ZFHX3: variants seen among roughly 807,000 people sequenced by gnomAD.
The protein encoded by ZFHX3 is zinc finger homeobox 3.
A neutral mutation model predicts 279.1 loss-of-function variants in ZFHX3; 42 were observed. That is an observed-to-expected ratio of 0.15 (90% CI 0.12 to 0.19). The LOEUF (loss-of-function observed/expected upper bound fraction) is 0.19. Among genes scored for constraint, ZFHX3 ranks in the 10% least tolerant of loss-of-function variants. The pLI is 1.00. For missense variants in ZFHX3, 4,981 were observed against 4,754.0 expected, an observed-to-expected ratio of 1.05 and a Z score of -1.40; for synonymous variants, 2,293 against 1,957.8, an observed-to-expected ratio of 1.17 and a Z score of -4.52.
In ZFHX3 at chr16:72,793,858, C is replaced by T; in HGVS notation, c.8824G>A (p.Asp2942Asn). 2 of 1,614,178 alleles carry T rather than the reference C, an allele frequency of 1.2e-6. No individual in the cohort carries two copies. Among genetic ancestry groups the T allele is most frequent in the Non-Finnish European group, 1.7e-6 (2 of 1,180,046 alleles). The change falls in exon 9 of 10, where the codon GAT becomes AAT. Residue 2942 changes from aspartate (D) to asparagine (N), a missense_variant. Around this residue, in one of 7 missense-constraint regions of ZFHX3, gnomAD observed 168 missense variants for 249.1 expected, o/e 0.67. Transcript: ENST00000268489. This position sits in a 1 kb window ranked among gnomAD's most constrained non-coding sequence, Gnocchi z 4.3. ...CGAAAACGTTTCTGCCCAGGCCGATCTCCGCTGTCACCAGATTTGCCTGCA... is the reference window on the plus strand; with the variant it reads ...CGAAAACGTTTCTGCCCAGGCCGATTTCCGCTGTCACCAGATTTGCCTGCA... ...GSAGKSGDSG[D>N]RPGQKRFRTQ...
chr16:73,018,096 C>T (rs1717093972), intron 1 of ZFHX3, among the ~76,000 whole-genome samples: 1 of 151,964 alleles, frequency 6.6e-6, no homozygotes, highest in Non-Finnish European at 1.5e-5. Flanking sequence ...AGCAATCCTC[C>T]CGCCTTAGCC....
At position 72,990,216 on chromosome 16, in the gene ZFHX3, C is replaced by G. The variant is rs560974145; in HGVS notation, c.-49-30022G>C. On this transcript the variant is annotated intron_variant, in intron 1 of 9. Transcript: ENST00000268489. ...CCGATGGAGGGGAAACCAGTAAACC[C>G]GTCCCTTGGCACTGTCACTTGGCAA... is the stretch of plus-strand genomic sequence containing the variant. 5.9e-5 allele frequency among the ~76,000 whole-genome samples: 9 copies of G among 152,292 alleles called. No individual in the cohort carries two copies. The East Asian group carries it at 1.7e-3, about 29-fold the overall frequency.
At chr16:72,988,995 G>A (rs1486826899) in intron 1 of ZFHX3, among the ~76,000 whole-genome samples, 1 of 151,606 alleles carries the variant, frequency 6.6e-6, no homozygotes, top group Non-Finnish European at 1.5e-5. Context: ...GGACAACATA[G>A]GGAGACCCCA....
At chr16:73,485,849 CT>C (rs944126146) in intron 2 of ZFHX3, among the ~76,000 whole-genome samples, 56 of 152,272 alleles carry the variant, frequency 3.7e-4, no homozygotes, top group African/African-American at 1.3e-3. Context: ...GTCTGACTTT[CT>C]TAGTCTGGGT....
intron 2 of ZFHX3, among the ~76,000 whole-genome samples, chr16:73,544,654 G>C (rs187742870): frequency 2.8e-4 from 42 of 152,284 alleles, no homozygotes; most frequent in African/African-American, 9.9e-4. Flanking sequence ...TGGGGATCTG[G>C]CCATAAAGAG....
chr16:73,720,465 TC>T (rs368291742), intron 1 of ZFHX3, among the ~76,000 whole-genome samples: 174 of 152,324 alleles, frequency 1.1e-3, no homozygotes, highest in African/African-American at 3.9e-3. Context: ...TAAAATTTGG[TC>T]CATTCATATG....
intron 1 of ZFHX3, among the ~76,000 whole-genome samples, chr16:73,862,839 C>T (rs911163259): frequency 4.6e-5 from 7 of 152,116 alleles, no homozygotes; most frequent in African/African-American, 1.2e-4. Context: ...GTTAGCCTGA[C>T]GTGATACCTA....
At chr16:73,482,479 G>A (rs923411179) in intron 2 of ZFHX3, among the ~76,000 whole-genome samples, 3 of 152,030 alleles carry the variant, frequency 2.0e-5, no homozygotes, top group African/African-American at 4.8e-5. Context: ...AGAGGGGTCC[G>A]GCCCCTCCCT....
In ZFHX3 at chr16:73,439,414, C is replaced by T. The variant is rs577889253; in HGVS notation, c.-1291+16589G>A. Among the ~76,000 whole-genome samples, 6 of 152,040 alleles carry T rather than the reference C, an allele frequency of 3.9e-5. 1 individual carries two copies. In the South Asian group the frequency reaches 1.2e-3, roughly 32 times the overall value. On this transcript the variant is annotated intron_variant, in intron 3 of 17. Coordinates refer to the ZFHX3 transcript ENST00000641206. ...GACCTTCATCTTGAGATGAAGTGCG[C>T]GTTTAGGAATCACGGACATGGAATC... is the stretch of plus-strand genomic sequence containing the variant.
chr16:73,251,265 C>T (rs2013478446), intron 5 of ZFHX3, among the ~76,000 whole-genome samples: 1 of 152,170 alleles, frequency 6.6e-6, no homozygotes, highest in African/African-American at 2.4e-5. Flanking sequence ...CAACTGTGTA[C>T]AGTCCCCAAG....
intron 4 of ZFHX3, among the ~76,000 whole-genome samples, chr16:73,274,099 A>ACTC (rs1193969977): frequency 2.6e-5 from 4 of 152,160 alleles, no homozygotes; most frequent in African/African-American, 9.7e-5. Context: ...AGCTGAGATC[A>ACTC]CACCACTGCA....
chr16:73,303,963 GAAAAAAAAAAAAAA>G lies in ZFHX3; in HGVS notation c.-1194+14263_-1194+14276del, dbSNP rs201865011. On this transcript the variant is annotated intron_variant, in intron 4 of 17. Transcript: ENST00000641206. The stretch of plus-strand genomic sequence containing the variant: ...GATGGAGGTTCAAAAACCCTAGGTG[GAAAAAAAAAAAAAA>G]AAAAAAAAAAAAAGAAATGTAGGAA... 8.8e-3 allele frequency among the ~76,000 whole-genome samples: 667 copies of G among 76,144 alleles called. 6 individuals carry two copies. Among genetic ancestry groups the G allele is most frequent in the African/African-American group, 0.028 (599 of 21,762 alleles). 50.0% of individuals were successfully genotyped at this position (76,144 alleles called of 152,430 possible).
intron 3 of ZFHX3, among the ~76,000 whole-genome samples, chr16:72,946,897 C>T (rs1166424235): frequency 4.6e-5 from 7 of 152,208 alleles, no homozygotes; most frequent in Admixed American, 4.6e-4. Context: ...CCCCGGAGCT[C>T]AGTCCCAGTT....
intron 5 of ZFHX3, among the ~76,000 whole-genome samples, chr16:73,245,867 T>C (rs182623501): frequency 3.3e-5 from 5 of 152,250 alleles, no homozygotes; most frequent in Admixed American, 2.0e-4. Flanking sequence ...TGAGAAGAGA[T>C]GACAGATGAA....
At chr16:72,950,040 G>C (rs1960904217) in intron 3 of ZFHX3, among the ~76,000 whole-genome samples, 1 of 147,508 alleles carries the variant, frequency 6.8e-6, no homozygotes, top group Admixed American at 6.8e-5. Context: ...AGAAGGAAGG[G>C]AGGAACAAAA....
intron 1 of ZFHX3, among the ~76,000 whole-genome samples, chr16:73,762,652 AG>A (rs1295311836): frequency 6.6e-6 from 1 of 152,236 alleles, no homozygotes; most frequent in Non-Finnish European, 1.5e-5. Context: ...AGCCATAAAA[AG>A]GAATGAGATC....
intron 7 of ZFHX3, among the ~76,000 whole-genome samples, chr16:73,116,834 A>C (rs1966437737): frequency 2.0e-5 from 3 of 152,154 alleles, no homozygotes; most frequent in African/African-American, 7.2e-5. Context: ...TTCACGCAGG[A>C]ATGGGGAGGG....
intron 3 of ZFHX3, among the ~76,000 whole-genome samples, chr16:72,897,254 C>A (rs1200494388): frequency 6.6e-6 from 1 of 152,166 alleles, no homozygotes; most frequent in East Asian, 1.9e-4. Flanking sequence ...TTCAGCTTCT[C>A]GCTTCAGGGA....
chr16:73,698,155 T>C (rs1013253467), intron 1 of ZFHX3, among the ~76,000 whole-genome samples: 2 of 152,030 alleles, frequency 1.3e-5, no homozygotes, highest in Non-Finnish European at 2.9e-5. Flanking sequence ...TATGGTACAA[T>C]TCCCAATGGC....
Sources: gnomAD v4.1 joint callset for allele counts (sites outside exome capture counted in the v4.1 genomes callset) on GRCh38, gnomAD v4.1.1 for gene constraint, gnomAD v4.1.1 regional missense constraint, Gnocchi (gnomAD v3.1) non-coding constraint, MANE v1.5 for transcripts, NCBI Gene and HGNC (gene_info 2026-07-23, HGNC 2026-07-21) for gene names.